The following PARN variants were observed in gnomAD, a reference collection of about 807,000 sequenced individuals.
The protein encoded by PARN is poly(A)-specific ribonuclease PARN.
A neutral mutation model predicts 102.8 loss-of-function variants in PARN; 71 were observed. That is an observed-to-expected ratio of 0.69 (90% CI 0.57 to 0.84). The LOEUF (loss-of-function observed/expected upper bound fraction) is 0.84, where lower values mean the gene tolerates loss of function less well. Among genes scored for constraint, PARN ranks in the 40% least tolerant of loss-of-function variants. PARN has a pLI of 0.00. For synonymous variants in PARN, 261 were observed against 252.9 expected (o/e 1.03, Z -0.30); for missense variants, 782 against 760.9 (o/e 1.03, Z -0.33).
In PARN at chr16:14,580,951, A is replaced by C. The variant is rs372257813; in HGVS notation, c.1193-8T>G. 186 of 1,572,142 alleles carry C rather than the reference A, an allele frequency of 1.2e-4. No homozygotes were observed. The highest frequency in any genetic ancestry group is 1.2e-4 in the Non-Finnish European group (142 of 1,142,254). ...GAGGGCTGAGAAAAGAACCTAATGAAGAAAAGAAGAGAGGTATTATTATTC... is the reference window on the plus strand; with the variant it reads ...GAGGGCTGAGAAAAGAACCTAATGACGAAAAGAAGAGAGGTATTATTATTC... On this transcript the variant is annotated splice_polypyrimidine_tract_variant and splice_region_variant and intron_variant, in intron 17 of 23. Transcript: ENST00000437198.
At chr16:14,532,695 C>T (rs968283809) in intron 21 of PARN, among the ~76,000 whole-genome samples, 2 of 151,544 alleles carry the variant, frequency 1.3e-5, no homozygotes, top group South Asian at 4.2e-4. Context: ...ACCTCCCAGA[C>T]GGGGGGGCGA....
chr16:14,557,802 A>G (rs1465132964), intron 18 of PARN, among the ~76,000 whole-genome samples: 2 of 152,182 alleles, frequency 1.3e-5, no homozygotes, highest in African/African-American at 4.8e-5. Flanking sequence ...GTTTTAACCA[A>G]TTTAATCAAT....
At chr16:14,585,621 G>A (rs1245871990) in intron 14 of PARN, among the ~76,000 whole-genome samples, 1 of 152,098 alleles carries the variant, frequency 6.6e-6, no homozygotes, top group Non-Finnish European at 1.5e-5. Flanking sequence ...ACTTGAAGTG[G>A]ATGAAAAACA....
At chr16:14,552,870 C>T (rs924215577) in intron 20 of PARN, among the ~76,000 whole-genome samples, 10 of 151,894 alleles carry the variant, frequency 6.6e-5, no homozygotes, top group African/African-American at 2.4e-4. Context: ...ATGGCTTGAA[C>T]CTGGGAGGCG....
intron 21 of PARN, among the ~76,000 whole-genome samples, chr16:14,518,959 G>T (rs941221753): frequency 6.6e-6 from 1 of 152,060 alleles, no homozygotes; most frequent in Non-Finnish European, 1.5e-5. Context: ...CACTAAGGTG[G>T]AAAGAACTGC....
chr16:14,520,355 T>C (rs1384603728), intron 21 of PARN, among the ~76,000 whole-genome samples: 2 of 152,146 alleles, frequency 1.3e-5, no homozygotes, highest in East Asian at 3.8e-4. Context: ...ATTTTAACAG[T>C]CTATCAATAG....
rs1363931988 is a variant in PARN at position 14,617,573 on chromosome 16, G to A, written c.388+17C>T. On this transcript the variant is annotated intron_variant, in intron 6 of 23. Transcript: ENST00000437198. Reference sequence around the variant, plus strand: ...GAAGGTTTATAAGCTCTAAAGATAGGTTACCCATAATCTTACCATTTCGAA... The same window carrying A: ...GAAGGTTTATAAGCTCTAAAGATAGATTACCCATAATCTTACCATTTCGAA... 7 of 1,266,700 alleles carry A rather than the reference G, an allele frequency of 5.5e-6. No individual in the cohort carries two copies. Among genetic ancestry groups the A allele is most frequent in the African/African-American group, 1.5e-5 (1 of 68,396 alleles). The allele number at this position is 1,266,700 out of a possible 1,614,324, so 78.5% of individuals were successfully genotyped here. A position where few individuals can be genotyped will look rare whatever the true frequency, so the allele number is the denominator to read the frequency against.
intron 18 of PARN, among the ~76,000 whole-genome samples, chr16:14,571,786 T>C (rs1251639918): frequency 6.6e-6 from 1 of 152,164 alleles, no homozygotes; most frequent in Non-Finnish European, 1.5e-5. Flanking sequence ...ATATTCTCAA[T>C]TTAAAAACGA....
At chr16:14,584,617 T>A (rs1208070811) in intron 15 of PARN, 132 bp downstream of exon 15, 2 of 774,176 alleles carry the variant, frequency 2.6e-6, no homozygotes, top group African/African-American at 3.6e-5. Context: ...ATACAAAGTA[T>A]AACCAAATGA....
rs1340063988 is a variant in PARN at position 14,458,308 on chromosome 16, TTCAA to T, written c.1671-11231_1671-11228del. On this transcript the variant is annotated intron_variant, in intron 22 of 23. Coordinates refer to ENST00000437198, the MANE Select transcript of PARN (RefSeq NM_002582.4). ...TTTGTACTAAAATTTACCTTTTGAC[TTCAA>T]TCAAAGGACTTACTAATCAAATTAG... 9.2e-5 allele frequency among the ~76,000 whole-genome samples: 14 copies of T among 152,322 alleles called. No individual in the cohort carries two copies. The East Asian group carries it at 1.2e-3, about 13-fold the overall frequency.
intron 11 of PARN, among the ~76,000 whole-genome samples, chr16:14,601,391 G>A (rs1221617843): frequency 6.6e-6 from 1 of 152,090 alleles, no homozygotes; most frequent in Non-Finnish European, 1.5e-5. Context: ...GAGGTACTCA[G>A]AGTGACCAAA....
At chr16:14,574,192 C>A (rs1471689261) in intron 18 of PARN, among the ~76,000 whole-genome samples, 2 of 151,828 alleles carry the variant, frequency 1.3e-5, no homozygotes, top group Non-Finnish European at 3.0e-5. Flanking sequence ...GGAACTGGAG[C>A]AAAGGTGACC....
At chr16:14,627,247 A>G in intron 4 of PARN, 22 bp downstream of exon 4, 6 of 1,586,288 alleles carry the variant, frequency 3.8e-6, no homozygotes, top group Non-Finnish European at 5.2e-6. Context: ...CGGAATTCCC[A>G]ACGTTTGTTA....
Position 14,482,834 on chromosome 16 carries a change from G to T in PARN, c.1481-7C>A. ...TATTTGCTGGTATTGACAGCTACAAGGAAAAGAAAAAAAAATAAAATGCTT... is the reference window on the plus strand; with the variant it reads ...TATTTGCTGGTATTGACAGCTACAATGAAAAGAAAAAAAAATAAAATGCTT... On this transcript the variant is annotated splice_polypyrimidine_tract_variant and splice_region_variant and intron_variant, in intron 21 of 23. Transcript: ENST00000437198. 3 of 1,582,288 alleles carry T rather than the reference G, an allele frequency of 1.9e-6. No individual in the cohort carries two copies. The highest frequency in any genetic ancestry group is 2.6e-6 in the Non-Finnish European group (3 of 1,168,570).
At chr16:14,584,647 C>G (rs1969734490) in intron 15 of PARN, 102 bp downstream of exon 15, 1 of 841,840 alleles carries the variant, frequency 1.2e-6, no homozygotes, top group African/African-American at 1.7e-5. Context: ...TTTACAGATG[C>G]ATTAAATACC....
At chr16:14,620,080 A>C (rs1479350685) in intron 5 of PARN, among the ~76,000 whole-genome samples, 2 of 148,808 alleles carry the variant, frequency 1.3e-5, no homozygotes, top group Non-Finnish European at 3.0e-5. Context: ...AAAAAAAAAA[A>C]AAAAAAAAAA....
chr16:14,530,244 C>G (rs1966248499), intron 21 of PARN, among the ~76,000 whole-genome samples: 1 of 152,156 alleles, frequency 6.6e-6, no homozygotes, highest in Non-Finnish European at 1.5e-5. Context: ...AGCATTTCTT[C>G]CTGAAGCTGT....
At chr16:14,623,600 G>A (rs1417213907) in intron 5 of PARN, among the ~76,000 whole-genome samples, 1 of 151,974 alleles carries the variant, frequency 6.6e-6, no homozygotes, top group Non-Finnish European at 1.5e-5. Context: ...ACACTGGAAG[G>A]CCAAGGCGGG....
chr16:14,581,988 G>A (rs945364035), intron 17 of PARN, among the ~76,000 whole-genome samples, 193 bp downstream of exon 17: 1 of 152,226 alleles, frequency 6.6e-6, no homozygotes, highest in South Asian at 2.1e-4. Context: ...AAACCAGGAA[G>A]TGGGCTCTCA....
Sources: allele counts gnomAD v4.1 joint callset (sites outside exome capture counted in the v4.1 genomes callset), GRCh38; gene constraint gnomAD v4.1.1; transcripts MANE v1.5; gene names NCBI Gene and HGNC (gene_info 2026-07-23, HGNC 2026-07-21).